PTPRD: variants seen among roughly 807,000 people sequenced by gnomAD.
PTPRD encodes protein tyrosine phosphatase receptor type D.
Under a neutral mutation model 214.5 loss-of-function variants are expected in PTPRD, and 34 were observed. That is an observed-to-expected ratio of 0.16 (90% CI 0.12 to 0.21). The LOEUF (loss-of-function observed/expected upper bound fraction) is 0.21. Among genes scored for constraint, PTPRD ranks in the 10% least tolerant of loss-of-function variants. PTPRD has a pLI of 1.00. For synonymous variants in PTPRD, 1,128 were observed against 845.7 expected (o/e 1.33, Z -5.79); for missense variants, 2,545 against 2,398.7 (o/e 1.06, Z -1.27).
At chr9:9,973,678 T>C (rs35776099) in intron 4 of PTPRD, among the ~76,000 whole-genome samples, 22,864 of 152,146 alleles carry the variant, frequency 0.15, 1,825 homozygotes, top group African/African-American at 0.18. Flanking sequence ...TAAAGTAAGG[T>C]GTCTTCTGTG....
At chr9:8,414,550 G>C (rs73640912) in intron 35 of PTPRD, among the ~76,000 whole-genome samples, 6 of 152,026 alleles carry the variant, frequency 3.9e-5, no homozygotes, top group Non-Finnish European at 8.8e-5. Context: ...TATGTTGGGA[G>C]TTATAGGGAG....
chr9:9,328,424 G>C (rs1217324447), intron 9 of PTPRD, among the ~76,000 whole-genome samples: 2 of 151,918 alleles, frequency 1.3e-5, no homozygotes, highest in African/African-American at 4.8e-5. Flanking sequence ...AAAGTGAAAA[G>C]AAAATATTTC....
intron 3 of PTPRD, among the ~76,000 whole-genome samples, chr9:10,304,775 A>C (rs1289065130): frequency 6.6e-6 from 1 of 152,240 alleles, no homozygotes; most frequent in African/African-American, 2.4e-5. Flanking sequence ...AAACAATTGG[A>C]AAAACATTCC....
intron 11 of PTPRD, among the ~76,000 whole-genome samples, chr9:8,805,731 C>A (rs939653922): frequency 6.6e-6 from 1 of 151,172 alleles, no homozygotes; most frequent in African/African-American, 2.4e-5. Flanking sequence ...CACGGTGGGT[C>A]ACACCTGTAA....
chr9:9,738,668 C>G (rs1430574231), intron 6 of PTPRD, among the ~76,000 whole-genome samples: 1 of 151,990 alleles, frequency 6.6e-6, no homozygotes, highest in Non-Finnish European at 1.5e-5. Context: ...TCTCGAACTC[C>G]TGACCTCAAG....
intron 5 of PTPRD, among the ~76,000 whole-genome samples, chr9:9,938,134 G>C (rs1388815308): frequency 6.6e-6 from 1 of 152,116 alleles, no homozygotes; most frequent in African/African-American, 2.4e-5. Context: ...ACTGAACAAT[G>C]TGTCAGTTGA....
intron 11 of PTPRD, among the ~76,000 whole-genome samples, chr9:8,997,530 C>T (rs368976850): frequency 2.0e-4 from 31 of 152,088 alleles, no homozygotes; most frequent in African/African-American, 5.8e-4. Context: ...TGTGAGTGTG[C>T]GTTCTGAATG....
chr9:10,402,610 A>T (rs1296383269), intron 2 of PTPRD, among the ~76,000 whole-genome samples: 2 of 151,766 alleles, frequency 1.3e-5, no homozygotes, highest in Non-Finnish European at 2.9e-5. Context: ...TATCCCTGAC[A>T]AGAATATCAT....
chr9:9,840,097 G>C (rs1305857483), intron 5 of PTPRD, among the ~76,000 whole-genome samples: 1 of 151,974 alleles, frequency 6.6e-6, no homozygotes, highest in Non-Finnish European at 1.5e-5. Flanking sequence ...AAGTGCAGTG[G>C]TGTGATCTCA....
At chr9:8,547,509 G>C (rs1355380022) in intron 14 of PTPRD, among the ~76,000 whole-genome samples, 3 of 151,938 alleles carry the variant, frequency 2.0e-5, no homozygotes, top group African/African-American at 7.3e-5. Context: ...CTGGTGTGGT[G>C]GCATGTGCCT....
At chr9:8,588,682 GATAAT>G (rs1242712571) in intron 14 of PTPRD, among the ~76,000 whole-genome samples, 3 of 152,082 alleles carry the variant, frequency 2.0e-5, no homozygotes, top group Admixed American at 2.0e-4. Flanking sequence ...CACGTACCAA[GATAAT>G]ATAATACAAG....
chr9:8,709,070 G>T (rs867380413), intron 12 of PTPRD, among the ~76,000 whole-genome samples: 4 of 151,878 alleles, frequency 2.6e-5, no homozygotes, highest in Admixed American at 2.6e-4. Context: ...GTAGAAAGTG[G>T]AATAGTGGCT....
At chr9:8,858,814 C>CACACACACAT in intron 11 of PTPRD, among the ~76,000 whole-genome samples, 1 of 150,336 alleles carries the variant, frequency 6.7e-6, no homozygotes, top group African/African-American at 2.5e-5. Context: ...CACACACACA[C>CACACACACAT]ACACACACAC....
intron 34 of PTPRD, among the ~76,000 whole-genome samples, chr9:8,438,458 C>T (rs886450071): frequency 6.6e-6 from 1 of 152,006 alleles, no homozygotes; most frequent in African/African-American, 2.4e-5. Flanking sequence ...ATTTTGGAAC[C>T]CTTTCTGAAA....
intron 8 of PTPRD, among the ~76,000 whole-genome samples, chr9:9,481,395 G>T: frequency 6.6e-6 from 1 of 151,898 alleles, no homozygotes; most frequent in Admixed American, 6.6e-5. Flanking sequence ...AACATTACAG[G>T]GAAATTTTGA....
intron 8 of PTPRD, among the ~76,000 whole-genome samples, chr9:9,480,186 T>TAAA (rs2095345168): frequency 6.6e-6 from 1 of 152,174 alleles, no homozygotes; most frequent in East Asian, 1.9e-4. Flanking sequence ...GGTGCATGGA[T>TAAA]AAAATGTGAA....
At chr9:10,566,219 A>G (rs1047416926) in intron 2 of PTPRD, among the ~76,000 whole-genome samples, 2 of 151,986 alleles carry the variant, frequency 1.3e-5, no homozygotes, top group South Asian at 4.1e-4. Flanking sequence ...ATGATGAACA[A>G]TGCTTCTGTA....
intron 11 of PTPRD, among the ~76,000 whole-genome samples, chr9:8,858,707 C>T (rs1334733207): frequency 6.7e-6 from 1 of 150,016 alleles, no homozygotes; most frequent in African/African-American, 2.5e-5. Context: ...CGCCCGCTGG[C>T]GAATCCCTGA....
rs1555249397 is a variant in PTPRD at position 9,333,504 on chromosome 9, T to TATATATATATATATA, written c.-203+63944_-203+63945insTATATATATATATAT. On this transcript the variant is annotated intron_variant, in intron 9 of 45. Transcript: ENST00000381196. ...TAAAACATATATATTATATAGTATA[T>TATATATATATATATA]TATATATATATATATATATATAAAG... is the stretch of plus-strand genomic sequence containing the variant. Among the ~76,000 whole-genome samples the TATATATATATATATA allele has an allele frequency of 1.1e-3, 149 of 137,222 alleles. 4 individuals carry two copies. The highest frequency in any genetic ancestry group is 4.1e-3 in the African/African-American group (139 of 34,280). 90.0% of individuals were successfully genotyped at this position (137,222 alleles called of 152,430 possible). A position where few individuals can be genotyped will look rare whatever the true frequency, so the allele number is the denominator to read the frequency against.
Sources: gnomAD v4.1 joint callset for allele counts (sites outside exome capture counted in the v4.1 genomes callset) on GRCh38, gnomAD v4.1.1 for gene constraint, MANE v1.5 for transcripts, NCBI Gene and HGNC (gene_info 2026-07-23, HGNC 2026-07-21) for gene names.